The following ADAM12 variants were observed in gnomAD, a reference collection of about 807,000 sequenced individuals.
The protein encoded by ADAM12 is disintegrin and metalloproteinase domain-containing protein 12.
A neutral mutation model predicts 106.4 loss-of-function variants in ADAM12; 70 were observed. The observed-to-expected ratio is 0.66, with a 90% CI of 0.54 to 0.80. ADAM12 has a LOEUF of 0.80. ADAM12 is among the 30% of genes least tolerant of loss of function. The pLI is 0.00. For missense variants in ADAM12, 1,010 were observed against 1,171.9 expected (o/e 0.86, Z 2.02); for synonymous variants, 420 against 433.5 (o/e 0.97, Z 0.39).
intron 1 of ADAM12, among the ~76,000 whole-genome samples, chr10:126,349,586 A>T (rs987555692): frequency 6.6e-6 from 1 of 152,188 alleles, no homozygotes; most frequent in Non-Finnish European, 1.5e-5. Flanking sequence ...AAAATAAGAG[A>T]CAGGAATCCA....
chr10:126,278,982 G>C lies in ADAM12; in HGVS notation c.193C>G (p.Pro65Ala). Reference protein sequence around the residue: ...PVKSFDSKNHPEVLNIRLQRE... With the variant: ...PVKSFDSKNHAEVLNIRLQRE... The stretch of plus-strand genomic sequence containing the variant: ...TGTAGTCGAATATTCAGCACTTCTG[G>C]ATGATTCTGAAAGATAAACAACAAA... The change falls in exon 3 of 23, where the codon CCA becomes GCA. Residue 65 changes from proline (P) to alanine (A), a missense_variant. By Grantham distance (27) the Pro-to-Ala change is conservative. This residue lies in a region of ADAM12 where 391 missense variants were observed against 442.9 expected (regional missense o/e 0.88). Transcript: ENST00000448723. The C allele has an allele frequency of 7.4e-6, 12 of 1,612,504 alleles. 1 individual carries two copies. The highest frequency in any genetic ancestry group is 1.0e-5 in the Non-Finnish European group (12 of 1,178,924).
chr10:126,377,961 AAG>A (rs1282690045), intron 1 of ADAM12, among the ~76,000 whole-genome samples: 1 of 152,236 alleles, frequency 6.6e-6, no homozygotes, highest in Admixed American at 6.5e-5. Flanking sequence ...GAGCTCAGGA[AAG>A]AGAGGAGGAT....
intron 3 of ADAM12, among the ~76,000 whole-genome samples, chr10:126,162,397 G>C (rs966078566): frequency 6.6e-6 from 1 of 152,198 alleles, no homozygotes; most frequent in African/African-American, 2.4e-5. Flanking sequence ...CGCGCAGAGG[G>C]GAGGGGAAAT....
At position 126,375,333 on chromosome 10, in the gene ADAM12, G is replaced by C. The variant is rs138263946; in HGVS notation, c.88+12725C>G. On this transcript the variant is annotated intron_variant, in intron 1 of 22. Coordinates refer to ENST00000448723, the MANE Select transcript of ADAM12 (RefSeq NM_001288973.2). Reference sequence around the variant, plus strand: ...CATTGGATAAATCAGCATAAGCCTGGACTGCTCAGCACAGAACAAAGCCTA... The same window carrying C: ...CATTGGATAAATCAGCATAAGCCTGCACTGCTCAGCACAGAACAAAGCCTA... Among the ~76,000 whole-genome samples the C allele has an allele frequency of 3.9e-5, 6 of 152,154 alleles. No individual in the cohort carries two copies. The East Asian group carries it at 1.2e-3, about 29-fold the overall frequency.
intron 3 of ADAM12, among the ~76,000 whole-genome samples, chr10:126,194,031 C>T (rs1341895120): frequency 2.0e-5 from 3 of 152,048 alleles, no homozygotes; most frequent in Non-Finnish European, 2.9e-5. Flanking sequence ...GCCTGAAATG[C>T]GTTGGAAGCA....
intron 21 of ADAM12, among the ~76,000 whole-genome samples, chr10:126,026,676 G>A (rs1018585446): frequency 6.6e-6 from 1 of 152,134 alleles, no homozygotes; most frequent in African/African-American, 2.4e-5. Flanking sequence ...TGACTCTTGG[G>A]TAAATAATGA....
intron 6 of ADAM12, among the ~76,000 whole-genome samples, chr10:126,113,687 AATATATATATATATATATATATATAT>A (rs71309278): frequency 4.2e-3 from 102 of 24,126 alleles, no homozygotes; most frequent in African/African-American, 0.014. Context: ...AAAAAAAAAA[AATATATATATATATATATATATATAT>A]ATATATATAT....
chr10:126,316,027 A>G (rs1853854065), intron 2 of ADAM12, among the ~76,000 whole-genome samples: 1 of 152,212 alleles, frequency 6.6e-6, no homozygotes, highest in Non-Finnish European at 1.5e-5. Context: ...ACGACCAGAG[A>G]TTATATGCCC....
At chr10:126,044,800 G>A (rs577065221) in intron 17 of ADAM12, among the ~76,000 whole-genome samples, 1 of 152,226 alleles carries the variant, frequency 6.6e-6, no homozygotes, top group Admixed American at 6.5e-5. Flanking sequence ...GAACTTGTCA[G>A]CAAGTGGCAG....
rs940365511 is a variant in ADAM12, at chr10:126,206,861, G to T, written c.261-51556C>A. Among the ~76,000 whole-genome samples the T allele has an allele frequency of 6.1e-5, 8 of 130,926 alleles. 1 individual carries two copies. The highest frequency in any genetic ancestry group is 2.7e-4 in the African/African-American group (7 of 26,050). The allele number at this position is 130,926 out of a possible 152,430, so 85.9% of individuals were successfully genotyped here. On this transcript the variant is annotated intron_variant, in intron 3 of 22. Transcript: ENST00000448723. ...CTGAATTCCCATGTGTTGTGGGGGCGGGGGGGAGCCAGTGGGAGGTAATTG... is the reference window on the plus strand; with the variant it reads ...CTGAATTCCCATGTGTTGTGGGGGCTGGGGGGAGCCAGTGGGAGGTAATTG...
At chr10:126,270,335 C>T (rs183270190) in intron 3 of ADAM12, among the ~76,000 whole-genome samples, 77 of 152,194 alleles carry the variant, frequency 5.1e-4, no homozygotes, top group Non-Finnish European at 8.8e-4. Flanking sequence ...TTCCTGTGGG[C>T]GATGCATCAG....
At chr10:126,086,521 C>A (rs1955344006) in intron 11 of ADAM12, among the ~76,000 whole-genome samples, 1 of 145,322 alleles carries the variant, frequency 6.9e-6, no homozygotes, top group Non-Finnish European at 1.5e-5. Context: ...ACTAAAAATA[C>A]AAAGAATCAG....
intron 1 of ADAM12, among the ~76,000 whole-genome samples, chr10:126,331,177 C>G (rs1043266181): frequency 6.6e-6 from 1 of 152,206 alleles, no homozygotes; most frequent in Non-Finnish European, 1.5e-5. Flanking sequence ...ACAATCCTCA[C>G]GGAAAGTATA....
chr10:126,167,758 G>A (rs1957049726), intron 3 of ADAM12, among the ~76,000 whole-genome samples: 1 of 152,188 alleles, frequency 6.6e-6, no homozygotes, highest in African/African-American at 2.4e-5. Context: ...GACTGCAAGT[G>A]GTATTTATTA....
intron 3 of ADAM12, among the ~76,000 whole-genome samples, chr10:126,230,529 C>T (rs935916585): frequency 1.3e-5 from 2 of 152,172 alleles, no homozygotes; most frequent in African/African-American, 4.8e-5. Flanking sequence ...TGTGTAAGAA[C>T]CCACCCACTC....
chr10:126,250,542 T>C (rs1027772963), intron 3 of ADAM12, among the ~76,000 whole-genome samples: 7 of 152,224 alleles, frequency 4.6e-5, no homozygotes, highest in African/African-American at 1.7e-4. Context: ...GACTCTTACA[T>C]GTAAACAACA....
chr10:126,045,283 G>A (rs574578996), intron 17 of ADAM12, among the ~76,000 whole-genome samples: 1 of 152,252 alleles, frequency 6.6e-6, no homozygotes, highest in African/African-American at 2.4e-5. Flanking sequence ...TTGGGAGTTA[G>A]CTAACCTTAC....
At chr10:126,333,661 T>C (rs1484111794) in intron 1 of ADAM12, among the ~76,000 whole-genome samples, 2 of 152,144 alleles carry the variant, frequency 1.3e-5, no homozygotes, top group African/African-American at 4.8e-5. Flanking sequence ...ACATCCTCCA[T>C]CCTCTGGACT....
At chr10:126,387,222 G>A (rs1437942166) in intron 1 of ADAM12, among the ~76,000 whole-genome samples, 3 of 152,222 alleles carry the variant, frequency 2.0e-5, no homozygotes, top group African/African-American at 7.2e-5. Flanking sequence ...GAAGTTGCCG[G>A]ATTTTTAAAA....
Sources: gnomAD v4.1 joint callset for allele counts (sites outside exome capture counted in the v4.1 genomes callset) on GRCh38, gnomAD v4.1.1 for gene constraint, gnomAD v4.1.1 regional missense constraint, MANE v1.5 for transcripts, NCBI Gene and HGNC (gene_info 2026-07-23, HGNC 2026-07-21) for gene names.